LUZP2: variants seen among roughly 807,000 people sequenced by gnomAD.
The protein encoded by LUZP2 is leucine zipper protein 2.
Under a neutral mutation model 51.6 loss-of-function variants are expected in LUZP2, and 52 were observed. The ratio of observed to expected loss-of-function variants is 1.01; its 90% CI spans 0.81 to 1.27. The LOEUF (loss-of-function observed/expected upper bound fraction) is 1.27, where lower values mean the gene tolerates loss of function less well. Among genes scored for constraint, LUZP2 ranks in the 50% most tolerant of loss-of-function variants. The probability of loss-of-function intolerance (pLI) is 0.00; values close to 1 mark genes in which losing one functional copy is unlikely to be tolerated. For synonymous variants in LUZP2, 154 were observed against 137.3 expected (o/e 1.12, Z -0.85); for missense variants, 436 against 395.4 (o/e 1.10, Z -0.87).
intron 1 of LUZP2, among the ~76,000 whole-genome samples, chr11:24,564,860 G>A (rs886484445): frequency 6.6e-6 from 1 of 152,068 alleles, no homozygotes; most frequent in Non-Finnish European, 1.5e-5. Context: ...AACCTTGTTA[G>A]TTGATTCTTA....
At chr11:24,666,429 A>T (rs371579355) in intron 1 of LUZP2, among the ~76,000 whole-genome samples, 1 of 152,210 alleles carries the variant, frequency 6.6e-6, no homozygotes, top group Non-Finnish European at 1.5e-5. Flanking sequence ...GGAGAAAATT[A>T]TACTATATGA....
intron 5 of LUZP2, among the ~76,000 whole-genome samples, chr11:24,861,861 A>G (rs1851752962): frequency 6.6e-6 from 1 of 152,148 alleles, no homozygotes; most frequent in African/African-American, 2.4e-5. Flanking sequence ...GCCACAGGGA[A>G]CAGGACCCAT....
chr11:25,028,693 T>G (rs1227718420), intron 9 of LUZP2, among the ~76,000 whole-genome samples: 2 of 125,434 alleles, frequency 1.6e-5, no homozygotes, highest in African/African-American at 4.8e-5. Context: ...TTTGCATGTT[T>G]TTTTTTTTTA....
At chr11:24,618,099 G>T (rs1324639500) in intron 1 of LUZP2, among the ~76,000 whole-genome samples, 1 of 152,048 alleles carries the variant, frequency 6.6e-6, no homozygotes, top group Non-Finnish European at 1.5e-5. Flanking sequence ...ATGTGTGAGG[G>T]TTTTCACTAT....
At chr11:24,978,885 C>T (rs769848983) in intron 8 of LUZP2, among the ~76,000 whole-genome samples, 2 of 151,716 alleles carry the variant, frequency 1.3e-5, no homozygotes, top group Non-Finnish European at 1.5e-5. Context: ...ATATTCTTAC[C>T]CATTCAATGC....
intron 5 of LUZP2, among the ~76,000 whole-genome samples, chr11:24,841,113 C>A (rs1341916516): frequency 6.6e-6 from 1 of 151,664 alleles, no homozygotes; most frequent in East Asian, 1.9e-4. Context: ...TATGTTAAAG[C>A]CCTAATGTCC....
chr11:24,956,498 G>A (rs1050289588), intron 7 of LUZP2, among the ~76,000 whole-genome samples: 1 of 152,116 alleles, frequency 6.6e-6, no homozygotes, highest in Non-Finnish European at 1.5e-5. Context: ...AATATAAAGA[G>A]TGAGAGAAGG....
chr11:24,773,672 G>A (rs929097153), intron 5 of LUZP2, among the ~76,000 whole-genome samples: 2 of 152,264 alleles, frequency 1.3e-5, no homozygotes, highest in East Asian at 3.9e-4. Flanking sequence ...GGGTGCACAT[G>A]TTCTGTGGTT....
chr11:25,082,464 T>C lies in LUZP2; in HGVS notation c.*3806T>C, dbSNP rs565489869. ...GGTTGAACTGGCCAGACCTAGACAATGAAGAAAACACATACTGTTTACTTA... is the reference window on the plus strand; with the variant it reads ...GGTTGAACTGGCCAGACCTAGACAACGAAGAAAACACATACTGTTTACTTA... On this transcript the variant is annotated 3_prime_UTR_variant, in exon 12 of 12. Transcript: ENST00000336930. 2 of 152,672 alleles carry C rather than the reference T, an allele frequency of 1.3e-5. No homozygotes were observed. The highest frequency in any genetic ancestry group is 6.5e-5 in the Admixed American group (1 of 15,288). The allele number at this position is 152,672 out of a possible 1,614,324, so 9.5% of individuals were successfully genotyped here. A position where few individuals can be genotyped will look rare whatever the true frequency, so the allele number is the denominator to read the frequency against.
intron 1 of LUZP2, among the ~76,000 whole-genome samples, chr11:24,698,394 C>T (rs1317850520): frequency 1.3e-5 from 2 of 152,182 alleles, no homozygotes; most frequent in Non-Finnish European, 2.9e-5. Context: ...TTTGCTTTGA[C>T]TTGAACACTT....
chr11:24,857,336 T>C (rs1405047084), intron 5 of LUZP2, among the ~76,000 whole-genome samples: 1 of 148,578 alleles, frequency 6.7e-6, no homozygotes, highest in East Asian at 2.0e-4. Flanking sequence ...CACACATATA[T>C]ATATAATATA....
chr11:24,602,250 A>ATG (rs1853739709), intron 1 of LUZP2, among the ~76,000 whole-genome samples: 1 of 146,058 alleles, frequency 6.8e-6, no homozygotes, highest in African/African-American at 2.5e-5. Flanking sequence ...ATATGTATAT[A>ATG]TATGCAAACA....
At chr11:24,681,890 A>C (rs1856748267) in intron 1 of LUZP2, among the ~76,000 whole-genome samples, 2 of 152,182 alleles carry the variant, frequency 1.3e-5, no homozygotes, top group South Asian at 2.1e-4. Context: ...TGAAATAAAA[A>C]AAATCACCCC....
chr11:24,650,492 G>A (rs1855595014), intron 1 of LUZP2, among the ~76,000 whole-genome samples: 1 of 151,950 alleles, frequency 6.6e-6, no homozygotes, highest in Non-Finnish European at 1.5e-5. Context: ...ATTCCGAAGA[G>A]CCATCATAAC....
At chr11:24,690,215 A>T (rs537914995) in intron 1 of LUZP2, among the ~76,000 whole-genome samples, 1 of 152,168 alleles carries the variant, frequency 6.6e-6, no homozygotes, top group East Asian at 1.9e-4. Flanking sequence ...AAAATGTCAG[A>T]TACCTCAAAC....
chr11:24,905,899 G>C (rs536171983), intron 5 of LUZP2, 92 bp from the exon 6 acceptor site: 1 of 837,746 alleles, frequency 1.2e-6, no homozygotes. Context: ...TCTAATTTTT[G>C]AACAGAACAT....
chr11:24,810,054 G>T (rs1849972817), intron 5 of LUZP2, among the ~76,000 whole-genome samples: 1 of 152,150 alleles, frequency 6.6e-6, no homozygotes, highest in South Asian at 2.1e-4. Flanking sequence ...CAGAGGAGCG[G>T]TTATGTTTAT....
chr11:24,659,931 G>GATT (rs1855961248), intron 1 of LUZP2, among the ~76,000 whole-genome samples: 1 of 152,006 alleles, frequency 6.6e-6, no homozygotes, highest in African/African-American at 2.4e-5. Context: ...TAGATTAGAT[G>GATT]GCAAAGGTGA....
At chr11:24,635,211 GAAAT>G (rs1334474277) in intron 1 of LUZP2, among the ~76,000 whole-genome samples, 1 of 151,834 alleles carries the variant, frequency 6.6e-6, no homozygotes, top group African/African-American at 2.4e-5. Context: ...AAAAGATAAT[GAAAT>G]AAATCTACCA....
Sources: allele counts gnomAD v4.1 joint callset (sites outside exome capture counted in the v4.1 genomes callset), GRCh38; gene constraint gnomAD v4.1.1; transcripts MANE v1.5; gene names NCBI Gene and HGNC (gene_info 2026-07-23, HGNC 2026-07-21).